COL4A6: variants seen among roughly 807,000 people sequenced by gnomAD.
COL4A6 encodes the protein collagen type IV alpha 6 chain.
A neutral mutation model predicts 126.7 loss-of-function variants in COL4A6; 59 were observed. That is an observed-to-expected ratio of 0.47 (90% CI 0.38 to 0.58). The LOEUF (loss-of-function observed/expected upper bound fraction) is 0.58. Among genes scored for constraint, COL4A6 ranks in the 20% least tolerant of loss-of-function variants. The pLI is 0.00. For missense variants in COL4A6, 1,285 were observed against 1,337.3 expected, an observed-to-expected ratio of 0.96 and a Z score of 0.61; for synonymous variants, 547 against 496.6, an observed-to-expected ratio of 1.10 and a Z score of -1.35.
chrX:108,262,263 T>C lies in COL4A6; in HGVS notation c.145-40889A>G, dbSNP rs148887545. On this transcript the variant is annotated intron_variant, in intron 3 of 44. Coordinates refer to ENST00000334504, the MANE Select transcript of COL4A6 (RefSeq NM_033641.4). Reference sequence around the variant, plus strand: ...ATGTAAGACATTGGGGCTAGAGAGATGAATAGGCCCTAGTTCACTGTCCTC... The same window carrying C: ...ATGTAAGACATTGGGGCTAGAGAGACGAATAGGCCCTAGTTCACTGTCCTC... Among the ~76,000 whole-genome samples the C allele has an allele frequency of 5.2e-3, 580 of 111,208 alleles. 3 individuals are homozygous for C. Among genetic ancestry groups the C allele is most frequent in the Middle Eastern group, 0.014 (3 of 216 alleles).
intron 3 of COL4A6, among the ~76,000 whole-genome samples, chrX:108,294,552 T>C (rs913823553): frequency 2.7e-5 from 3 of 110,012 alleles, no homozygotes; most frequent in African/African-American, 9.9e-5. Context: ...GTTACAATTG[T>C]TCCCTTTGGT....
intron 2 of COL4A6, among the ~76,000 whole-genome samples, chrX:108,326,300 T>C (rs933339516): frequency 8.9e-6 from 1 of 112,204 alleles, no homozygotes; most frequent in East Asian, 2.8e-4. Flanking sequence ...TATGATAACA[T>C]CAAATATATA....
chrX:108,193,430 G>A (rs999152828), intron 17 of COL4A6, among the ~76,000 whole-genome samples, 198 bp downstream of exon 17: 3 of 111,414 alleles, frequency 2.7e-5, no homozygotes, highest in Non-Finnish European at 3.8e-5. Flanking sequence ...CACAAAAATG[G>A]GGTGCTGGGC....
At chrX:108,423,084 G>A (rs999007611) in intron 2 of COL4A6, among the ~76,000 whole-genome samples, 58 of 112,243 alleles carry the variant, frequency 5.2e-4, no homozygotes, top group African/African-American at 1.8e-3. Flanking sequence ...CAACAAAACT[G>A]AAAATCTTAC....
At chrX:108,251,690 TA>T (rs753069975) in intron 3 of COL4A6, among the ~76,000 whole-genome samples, 20 of 111,986 alleles carry the variant, frequency 1.8e-4, no homozygotes, top group Admixed American at 5.7e-4. Context: ...TAAACAAAAG[TA>T]ATGTTATAGA....
At chrX:108,333,069 T>C (rs1021071375) in intron 2 of COL4A6, among the ~76,000 whole-genome samples, 2 of 111,320 alleles carry the variant, frequency 1.8e-5, no homozygotes, top group African/African-American at 3.3e-5. Flanking sequence ...TTTCCAGCCT[T>C]ATTTATTGAT....
At chrX:108,180,816 A>G in intron 24 of COL4A6, 81 bp downstream of exon 24, 1 of 995,288 alleles carries the variant, frequency 1.0e-6, no homozygotes, top group East Asian at 3.1e-5. Flanking sequence ...ATCCCCAAAT[A>G]CTACTGGGCT....
chrX:108,277,126 C>T (rs1443981170), intron 3 of COL4A6, among the ~76,000 whole-genome samples: 1 of 111,571 alleles, frequency 9.0e-6, no homozygotes, highest in East Asian at 2.8e-4. Flanking sequence ...GTTCATCTCA[C>T]TAGGGAGTGC....
At chrX:108,281,739 C>G (rs2147808135) in intron 3 of COL4A6, among the ~76,000 whole-genome samples, 1 of 110,532 alleles carries the variant, frequency 9.0e-6, no homozygotes, top group African/African-American at 3.3e-5. Flanking sequence ...TACCTGACTT[C>G]AAACTATACT....
intron 3 of COL4A6, among the ~76,000 whole-genome samples, chrX:108,243,638 C>T (rs1235282973): frequency 8.9e-6 from 1 of 111,869 alleles, no homozygotes; most frequent in Non-Finnish European, 1.9e-5. Context: ...TAAGGCATGG[C>T]CTGGACATTG....
intron 2 of COL4A6, among the ~76,000 whole-genome samples, chrX:108,420,430 A>G (rs192077507): frequency 9.0e-6 from 1 of 111,280 alleles, no homozygotes; most frequent in African/African-American, 3.3e-5. Context: ...AGCTACTGAG[A>G]TTTGGGGAGT....
At chrX:108,298,046 CTCT>C (rs1267895532) in intron 3 of COL4A6, among the ~76,000 whole-genome samples, 4 of 112,032 alleles carry the variant, frequency 3.6e-5, no homozygotes, top group Non-Finnish European at 7.5e-5. Context: ...GAGTTTAAGT[CTCT>C]TCTTTACTGT....
rs1490890631 is a variant in COL4A6, at chrX:108,351,863, C to A, written c.64-41035G>T. Among the ~76,000 whole-genome samples the A allele has an allele frequency of 3.6e-5, 4 of 112,080 alleles. No homozygotes were observed. In the East Asian group the frequency reaches 8.4e-4, roughly 23 times the overall value. On this transcript the variant is annotated intron_variant, in intron 2 of 44. Coordinates refer to ENST00000334504, the MANE Select transcript of COL4A6 (RefSeq NM_033641.4). ...TTCAACATCCACGCATACACACACA[C>A]CCCACACAGAGGCAAGATAGTGAAA...
intron 2 of COL4A6, among the ~76,000 whole-genome samples, chrX:108,320,435 G>A (rs2038998296): frequency 9.0e-6 from 1 of 111,265 alleles, no homozygotes; most frequent in Non-Finnish European, 1.9e-5. Flanking sequence ...GAGGGGCAAG[G>A]GAGTCAAGGG....
chrX:108,248,272 ATGTG>A (rs1462405461), intron 3 of COL4A6, among the ~76,000 whole-genome samples: 2 of 111,607 alleles, frequency 1.8e-5, no homozygotes, highest in Non-Finnish European at 3.8e-5. Context: ...TTTTTCTTAT[ATGTG>A]TGTATGATCA....
At chrX:108,210,450 T>C (rs1479015333) in intron 7 of COL4A6, among the ~76,000 whole-genome samples, 1 of 112,471 alleles carries the variant, frequency 8.9e-6, no homozygotes, top group Non-Finnish European at 1.9e-5. Context: ...GAGCATACAC[T>C]CTCTGATTAT....
chrX:108,269,273 C>G, intron 3 of COL4A6: 1 of 282,834 alleles, frequency 3.5e-6, no homozygotes, highest in South Asian at 3.5e-5. Context: ...GCAAAGCACA[C>G]TGTCAGTGCA....
chrX:108,175,342 A>C, intron 29 of COL4A6, 127 bp from the exon 30 acceptor site: 1 of 816,325 alleles, frequency 1.2e-6, no homozygotes, highest in Non-Finnish European at 1.7e-6. Flanking sequence ...CTTATTCCCC[A>C]CCCCTATTCC....
chrX:108,191,432 C>T lies in COL4A6; in HGVS notation c.1282G>A (p.Asp428Asn). The T allele has an allele frequency of 1.7e-6, 2 of 1,211,351 alleles. No individual in the cohort carries two copies. Among genetic ancestry groups the T allele is most frequent in the Non-Finnish European group, 2.2e-6 (2 of 895,225 alleles). The change falls in exon 19 of 45, where the codon GAT becomes AAT. Residue 428 changes from aspartate to asparagine, a missense_variant. Transcript: ENST00000334504. ...GGACCTGGTGGGCCTGGCAAACCAT[C>T]TCTGCCAGGGAGGCCAGCTGCTCCA... Reference protein sequence around the residue: ...TIGAAGLPGRDGLPGPPGPPG... With the variant: ...TIGAAGLPGRNGLPGPPGPPG...
Sources: allele counts gnomAD v4.1 joint callset (sites outside exome capture counted in the v4.1 genomes callset), GRCh38; gene constraint gnomAD v4.1.1; transcripts MANE v1.5; gene names NCBI Gene and HGNC (gene_info 2026-07-23, HGNC 2026-07-21).